GALNT9: variants seen among roughly 807,000 people sequenced by gnomAD.
GALNT9 encodes the protein GalNAc transferase 9.
In GALNT9, 47 loss-of-function variants were observed where a neutral mutation model predicts 63.1. The ratio of observed to expected loss-of-function variants is 0.75; its 90% confidence interval spans 0.59 to 0.95. GALNT9 has a LOEUF of 0.95. Ranked by LOEUF, GALNT9 falls within the 40% of genes least tolerant of loss-of-function variation. The pLI, the probability that GALNT9 is intolerant of heterozygous loss-of-function variation, is 0.00. For synonymous variants in GALNT9, 396 were observed against 365.7 expected (o/e 1.08, Z -0.94); for missense variants, 829 against 874.8 (o/e 0.95, Z 0.66).
At chr12:132,259,170 T>C (rs1879268554) in intron 4 of GALNT9, among the ~76,000 whole-genome samples, 2 of 152,318 alleles carry the variant, frequency 1.3e-5, no homozygotes, top group South Asian at 2.1e-4. Context: ...GCAGAATCCT[T>C]TGTGGAGACA....
At chr12:132,287,303 G>A (rs1471787736) in intron 1 of GALNT9, among the ~76,000 whole-genome samples, 2 of 152,170 alleles carry the variant, frequency 1.3e-5, no homozygotes, top group African/African-American at 2.4e-5. Flanking sequence ...CTATCAACCC[G>A]AAACTGCTCT....
At chr12:132,202,892 G>GC (rs1171903178) in intron 7 of GALNT9, among the ~76,000 whole-genome samples, 2 of 152,120 alleles carry the variant, frequency 1.3e-5, no homozygotes, top group Non-Finnish European at 2.9e-5. Context: ...AAAACAAACA[G>GC]CAATCCTCAA....
chr12:132,292,000 C>G (rs1311846664), intron 1 of GALNT9, among the ~76,000 whole-genome samples: 1 of 152,224 alleles, frequency 6.6e-6, no homozygotes, highest in Non-Finnish European at 1.5e-5. Context: ...CAGCCACGCT[C>G]CTGCTTCCTG....
chr12:132,233,554 A>G (rs1419477187), intron 6 of GALNT9, among the ~76,000 whole-genome samples: 1 of 14,532 alleles, frequency 6.9e-5, no homozygotes, highest in Non-Finnish European at 1.1e-4. Flanking sequence ...TGGAGCCCCT[A>G]GTGCCACACA....
chr12:132,281,818 G>A (rs782556654), intron 2 of GALNT9, among the ~76,000 whole-genome samples: 4 of 151,800 alleles, frequency 2.6e-5, no homozygotes, highest in Non-Finnish European at 5.9e-5. Context: ...CACAGAGGAG[G>A]AATCAGCTCC....
chr12:132,196,623 A>G lies in GALNT9; in HGVS notation c.*484T>C, dbSNP rs76055951. 8.5e-3 allele frequency: 8,466 copies of G among 991,392 alleles called. 425 individuals carry two copies. In the African/African-American group the frequency reaches 0.12, roughly 14 times the overall value. The allele number at this position is 991,392 out of a possible 1,614,324, so 61.4% of individuals were successfully genotyped here. A position where few individuals can be genotyped will look rare whatever the true frequency, so the allele number is the denominator to read the frequency against. On this transcript the variant is annotated 3_prime_UTR_variant, in exon 11 of 11. Transcript: ENST00000328957. The stretch of plus-strand genomic sequence containing the variant: ...TCCAGCACCCCTCTTACCAGACCAC[A>G]AGGAGCTGCATTATGATGTGTGACT...
In GALNT9 at chr12:132,327,452, C is replaced by T. The variant is rs148635504; in HGVS notation, c.238+1514G>A. 9.9e-5 allele frequency among the ~76,000 whole-genome samples: 15 copies of T among 152,152 alleles called. No individual in the cohort carries two copies. In the South Asian group the frequency reaches 2.3e-3, roughly 23 times the overall value. ...ACGACTCACAGGGCCGAGCTGCCCTCGTGGTGTTACACAACCTCAGTGTGC... is the reference window on the plus strand; with the variant it reads ...ACGACTCACAGGGCCGAGCTGCCCTTGTGGTGTTACACAACCTCAGTGTGC... On this transcript the variant is annotated intron_variant, in intron 1 of 10. Transcript: ENST00000328957. The surrounding 1 kb of genome is among the most constrained non-coding windows in gnomAD (Gnocchi z 4.3).
At chr12:132,199,884 G>T (rs556854583) in intron 8 of GALNT9, among the ~76,000 whole-genome samples, 1 of 152,070 alleles carries the variant, frequency 6.6e-6, no homozygotes, top group East Asian at 1.9e-4. Flanking sequence ...TGTCCACCGC[G>T]TCTCCAGGCT....
intron 5 of GALNT9, among the ~76,000 whole-genome samples, chr12:132,257,008 C>T (rs1235730480): frequency 6.6e-6 from 1 of 152,146 alleles, no homozygotes; most frequent in Non-Finnish European, 1.5e-5. Context: ...CGGGGGGCTT[C>T]AGCAGCTGTC....
chr12:132,290,350 C>T (rs1213887686), intron 1 of GALNT9, among the ~76,000 whole-genome samples: 4 of 152,150 alleles, frequency 2.6e-5, no homozygotes, highest in African/African-American at 7.2e-5. Context: ...CAGTGAGAGG[C>T]GGCCCCACCC....
Position 132,312,785 on chromosome 12 carries a change from C to G in GALNT9, c.238+16181G>C, listed in dbSNP as rs575123375. Among the ~76,000 whole-genome samples the G allele has an allele frequency of 1.4e-4, 21 of 152,298 alleles. No individual in the cohort carries two copies. In the South Asian group the frequency reaches 4.3e-3, roughly 32 times the overall value. The stretch of plus-strand genomic sequence containing the variant: ...TTGCTGAAGGAGAGCCTGCCCTGAA[C>G]CCCTGTTGTCAAGGGGCAGCAGAGG... On this transcript the variant is annotated intron_variant, in intron 1 of 10. Transcript: ENST00000328957.
chr12:132,267,885 TCACACGCA>T (rs1879694141), intron 2 of GALNT9, among the ~76,000 whole-genome samples: 3 of 124,638 alleles, frequency 2.4e-5, no homozygotes, highest in South Asian at 5.1e-4. Context: ...CCACATGCAC[TCACACGCA>T]CACACGCACA....
chr12:132,303,462 C>G (rs1283364582), intron 1 of GALNT9, among the ~76,000 whole-genome samples: 23 of 115,916 alleles, frequency 2.0e-4, no homozygotes, highest in African/African-American at 6.3e-4. Context: ...CACCCTCGCC[C>G]GGACACACCC....
chr12:132,201,686 G>A (rs1422079184), intron 7 of GALNT9, among the ~76,000 whole-genome samples: 1 of 152,204 alleles, frequency 6.6e-6, no homozygotes, highest in Non-Finnish European at 1.5e-5. Flanking sequence ...AGGCTTGGGG[G>A]CTCCTGGCTG....
chr12:132,222,935 CCACA>C (rs1330860017), intron 6 of GALNT9, among the ~76,000 whole-genome samples: 1 of 84,386 alleles, frequency 1.2e-5, no homozygotes, highest in Non-Finnish European at 2.5e-5. Flanking sequence ...AACCCACACC[CCACA>C]CACACCACAC....
intron 6 of GALNT9, among the ~76,000 whole-genome samples, chr12:132,209,778 G>A (rs567983714): frequency 6.4e-4 from 97 of 152,300 alleles, no homozygotes; most frequent in African/African-American, 1.9e-3. Context: ...GGGAAATCCT[G>A]CTGCCTTTCC....
intron 6 of GALNT9, among the ~76,000 whole-genome samples, chr12:132,207,767 C>G (rs1370581820): frequency 1.3e-5 from 2 of 152,314 alleles, no homozygotes; most frequent in Admixed American, 6.5e-5. Flanking sequence ...GCCCCCTAAG[C>G]ACAAGGGCCC....
intron 4 of GALNT9, among the ~76,000 whole-genome samples, chr12:132,259,944 C>A (rs1555239540): frequency 1.3e-5 from 2 of 151,128 alleles, no homozygotes; most frequent in African/African-American, 4.9e-5. Flanking sequence ...TGGGTCCTGG[C>A]CCTGGTGCGG....
intron 6 of GALNT9, among the ~76,000 whole-genome samples, chr12:132,219,497 T>C (rs1482610627): frequency 6.6e-6 from 1 of 152,052 alleles, no homozygotes; most frequent in Non-Finnish European, 1.5e-5. Flanking sequence ...CTGATGTCCA[T>C]TGGCGGGGAC....
Sources: allele counts gnomAD v4.1 joint callset (sites outside exome capture counted in the v4.1 genomes callset), GRCh38; gene constraint gnomAD v4.1.1; non-coding constraint Gnocchi (gnomAD v3.1); transcripts MANE v1.5; gene names NCBI Gene and HGNC (gene_info 2026-07-23, HGNC 2026-07-21).